Variants in ACTN3 observed in about 807,000 individuals in gnomAD.
ACTN3 encodes the protein alpha-actinin-3.
ACTN3 carries 91 observed loss-of-function variants against 119.6 expected under a neutral mutation model. The observed-to-expected ratio is 0.76, with a 90% confidence interval of 0.64 to 0.91. ACTN3 has a LOEUF of 0.91. Among genes scored for constraint, ACTN3 ranks in the 40% least tolerant of loss-of-function variants. The probability of loss-of-function intolerance (pLI) is 0.00; values close to 1 mark genes in which losing one functional copy is unlikely to be tolerated. For missense variants in ACTN3, 1,221 were observed against 1,215.1 expected (o/e 1.00, Z -0.07); for synonymous variants, 456 against 478.8 (o/e 0.95, Z 0.62).
chr11:66,546,897 G>A (rs780815797), upstream of ACTN3: 2 of 1,522,868 alleles, frequency 1.3e-6, no homozygotes, highest in Non-Finnish European at 1.8e-6. Flanking sequence ...CCGGGTGTCC[G>A]AGAGCGTGCC....
chr11:66,553,972 G>A, intron 3 of ACTN3, 73 bp from the exon 4 acceptor site: 1 of 1,322,780 alleles, frequency 7.6e-7, no homozygotes, highest in South Asian at 1.3e-5. Flanking sequence ...GATCAGAGGG[G>A]AAGGTAAGCT....
At chr11:66,562,574 A>G (rs1201827194) in intron 19 of ACTN3, among the ~76,000 whole-genome samples, 1 of 152,076 alleles carries the variant, frequency 6.6e-6, no homozygotes, top group Non-Finnish European at 1.5e-5. Flanking sequence ...TGGAAAAAAA[A>G]TCAGGACCAG....
intron 15 of ACTN3, 113 bp downstream of exon 15, chr11:66,560,868 GC>G: frequency 1.7e-6 from 2 of 1,203,002 alleles, no homozygotes; most frequent in Admixed American, 4.3e-5. Context: ...TGTGGGGTCT[GC>G]CACAGACTCC....
At chr11:66,555,651 C>A (rs771395165) in intron 7 of ACTN3, among the ~76,000 whole-genome samples, 2 of 152,230 alleles carry the variant, frequency 1.3e-5, no homozygotes, top group African/African-American at 2.4e-5. Context: ...CCAAGACTGG[C>A]AGCTCCCCTG....
Position 66,560,758 on chromosome 11 carries a change from C to A in ACTN3, c.1860+3C>A. ...ACATCAACACCAAGTGGGATATGGTCAGTGCCACCTGCAGCCTTCCTCCCA... is the reference window on the plus strand; with the variant it reads ...ACATCAACACCAAGTGGGATATGGTAAGTGCCACCTGCAGCCTTCCTCCCA... On this transcript the variant is annotated splice_donor_region_variant and intron_variant, in intron 15 of 20. Transcript: ENST00000513398. The A allele has an allele frequency of 2.5e-6, 4 of 1,604,582 alleles. No homozygotes were observed. In the South Asian group the frequency reaches 4.4e-5, roughly 18 times the overall value.
At chr11:66,551,189 A>T in intron 1 of ACTN3, 50 bp from the exon 2 acceptor site, 1 of 1,362,180 alleles carries the variant, frequency 7.3e-7, no homozygotes, top group Non-Finnish European at 1.0e-6. Flanking sequence ...ACTGTGCCCT[A>T]CATCCCCCAG....
intron 3 of ACTN3, 63 bp downstream of exon 3, chr11:66,551,710 C>A (rs1857476214): frequency 1.3e-6 from 2 of 1,597,758 alleles, no homozygotes; most frequent in South Asian, 1.1e-5. Flanking sequence ...ATCAGCAAAT[C>A]ACCTCTGTGA....
chr11:66,556,353 T>A (rs1565306144), intron 8 of ACTN3, 123 bp downstream of exon 8: 1 of 883,134 alleles, frequency 1.1e-6, no homozygotes, highest in African/African-American at 1.7e-5. Flanking sequence ...CTGCACACAC[T>A]CAGTCTTCAG....
At chr11:66,546,721 G>A (rs1171244638), upstream of ACTN3, 4 of 1,535,142 alleles carry the variant, frequency 2.6e-6, no homozygotes, top group Admixed American at 2.0e-5. Context: ...CAGGATCTCC[G>A]CCGCGAGATC....
At chr11:66,556,101 G>A in intron 7 of ACTN3, 44 bp from the exon 8 acceptor site, 1 of 1,550,356 alleles carries the variant, frequency 6.5e-7, no homozygotes. Flanking sequence ...CCTGGGGAGG[G>A]ACCCCTGGCT....
intron 3 of ACTN3, among the ~76,000 whole-genome samples, chr11:66,552,792 G>A (rs543214327): frequency 7.8e-4 from 118 of 151,688 alleles, no homozygotes; most frequent in African/African-American, 2.6e-3. Context: ...GGGAGGCGGA[G>A]GTTGCAGTGA....
chr11:66,562,552 C>T (rs952120591), intron 19 of ACTN3, among the ~76,000 whole-genome samples: 6 of 152,046 alleles, frequency 3.9e-5, no homozygotes, highest in South Asian at 2.1e-4. Context: ...ACTACAGAAA[C>T]GGGTGTGGCC....
chr11:66,556,381 G>C (rs996393289), intron 8 of ACTN3, 151 bp downstream of exon 8: 3 of 241,138 alleles, frequency 1.2e-5, no homozygotes, highest in Admixed American at 6.5e-5. Context: ...AGAGGACCCT[G>C]GTTTGGAAAC....
intron 7 of ACTN3, among the ~76,000 whole-genome samples, chr11:66,555,579 T>C (rs1170166848): frequency 6.6e-6 from 1 of 151,888 alleles, no homozygotes; most frequent in East Asian, 1.9e-4. Flanking sequence ...CTCTCCCCTA[T>C]GTAATGGCCC....
chr11:66,552,870 TCTCTCTCTCTCACACACA>T (rs755257479), intron 3 of ACTN3, among the ~76,000 whole-genome samples: 1 of 110,450 alleles, frequency 9.1e-6, no homozygotes, highest in South Asian at 2.4e-4. Flanking sequence ...TCTCTCTCTC[TCTCTCTCTCTCACACACA>T]CACACACACA....
upstream of ACTN3, chr11:66,546,709 C>G: frequency 6.5e-7 from 1 of 1,535,270 alleles, no homozygotes; most frequent in South Asian, 1.2e-5. Context: ...GGAATGCAAA[C>G]CCAGGATCTC....
At chr11:66,562,417 C>A in intron 19 of ACTN3, 95 bp downstream of exon 19, 1 of 1,338,300 alleles carries the variant, frequency 7.5e-7, no homozygotes, top group South Asian at 1.2e-5. Context: ...CATACACCAT[C>A]CCCTGCATCT....
Position 66,556,728 on chromosome 11 carries a change from C to T in ACTN3, c.805-405C>T, listed in dbSNP as rs763112501. Among the ~76,000 whole-genome samples, 28 of 151,626 alleles carry T rather than the reference C, an allele frequency of 1.8e-4. 1 individual carries two copies. Among genetic ancestry groups the T allele is most frequent in the Admixed American group, 1.5e-3 (23 of 15,208 alleles). On this transcript the variant is annotated intron_variant, in intron 8 of 20. Coordinates refer to ENST00000513398, the MANE Select transcript of ACTN3 (RefSeq NM_001104.4). ...TTGGGATTACAGGCATGAGCCACCA[C>T]GCCCAGCTGGGGGCTCTGTTTTTGT...
chr11:66,561,472 G>A lies in ACTN3; in HGVS notation c.2010G>A (p.Leu670=). ...IQAKVEEVGR[L]AAGLAGSLEE... ...AACCCCTGCAGGAAGTGGGGCGGCT[G>A]GCAGCAGGGCTAGCTGGCTCTCTGG... is the stretch of plus-strand genomic sequence containing the variant. The change falls in exon 17 of 21, where the codon CTG becomes CTA. Residue 670 remains leucine, a synonymous_variant. Coordinates refer to ENST00000513398, the MANE Select transcript of ACTN3 (RefSeq NM_001104.4). The A allele has an allele frequency of 6.2e-7, 1 of 1,600,674 alleles. No individual in the cohort carries two copies.
Sources: allele counts gnomAD v4.1 joint callset (sites outside exome capture counted in the v4.1 genomes callset), GRCh38; gene constraint gnomAD v4.1.1; transcripts MANE v1.5; gene names NCBI Gene and HGNC (gene_info 2026-07-23, HGNC 2026-07-21).